Variants in RABEPK observed in about 807,000 individuals in gnomAD.
RABEPK encodes 40 kDa Rab9 effector protein.
A neutral mutation model predicts 34.1 loss-of-function variants in RABEPK; 27 were observed. The ratio of observed to expected loss-of-function variants is 0.79; its 90% CI spans 0.58 to 1.09. The LOEUF (loss-of-function observed/expected upper bound fraction) is 1.09. Ranked by LOEUF, RABEPK falls within the 50% of genes least tolerant of loss-of-function variation. The probability of loss-of-function intolerance (pLI) is 0.00; values close to 1 mark genes in which losing one functional copy is unlikely to be tolerated. For synonymous variants in RABEPK, 172 were observed against 169.2 expected (o/e 1.02, Z -0.13); for missense variants, 449 against 462.6 (o/e 0.97, Z 0.27).
At chr9:125,205,701 G>C (rs1220498667) in intron 2 of RABEPK, among the ~76,000 whole-genome samples, 3 of 152,070 alleles carry the variant, frequency 2.0e-5, no homozygotes, top group Non-Finnish European at 2.9e-5. Context: ...TGTTGCCCAG[G>C]ATGGTCTCAA....
Position 125,234,030 on chromosome 9 carries a change from A to G in RABEPK, c.*50A>G. 1 of 1,473,548 alleles carries G rather than the reference A, an allele frequency of 6.8e-7. No individual in the cohort carries two copies. Among genetic ancestry groups the G allele is most frequent in the Non-Finnish European group, 9.3e-7 (1 of 1,075,442 alleles). The allele number at this position is 1,473,548 out of a possible 1,614,324, so 91.3% of individuals were successfully genotyped here. A position where few individuals can be genotyped will look rare whatever the true frequency, so the allele number is the denominator to read the frequency against. On this transcript the variant is annotated 3_prime_UTR_variant, in exon 8 of 8. Transcript: ENST00000373538. Reference sequence around the variant, plus strand: ...TCAGTTACTTTCAGAATAGTTAAGTAAAACATTAGCTGTTTTATACCTCCA... The same window carrying G: ...TCAGTTACTTTCAGAATAGTTAAGTGAAACATTAGCTGTTTTATACCTCCA...
intron 5 of RABEPK, among the ~76,000 whole-genome samples, chr9:125,223,527 A>G (rs1343528445): frequency 6.6e-6 from 1 of 152,090 alleles, no homozygotes; most frequent in East Asian, 1.9e-4. Flanking sequence ...AAACCTGCTC[A>G]TGGACACTTA....
intron 5 of RABEPK, among the ~76,000 whole-genome samples, chr9:125,224,915 T>A (rs1189467579): frequency 1.3e-5 from 2 of 152,086 alleles, no homozygotes; most frequent in Non-Finnish European, 2.9e-5. Flanking sequence ...CCTGCTAACT[T>A]TTATTTAAGA....
At chr9:125,224,548 G>A (rs1219568759) in intron 5 of RABEPK, among the ~76,000 whole-genome samples, 9 of 151,354 alleles carry the variant, frequency 5.9e-5, no homozygotes, top group South Asian at 2.1e-4. Context: ...CACCTCCCGG[G>A]TTCAAGCAAT....
intron 6 of RABEPK, among the ~76,000 whole-genome samples, chr9:125,229,052 G>A (rs1269361690): frequency 3.3e-5 from 5 of 151,664 alleles, no homozygotes; most frequent in South Asian, 2.1e-4. Flanking sequence ...TCAGGAGTTC[G>A]AGACCAGCCT....
rs564126096 is a variant in RABEPK at position 125,216,966 on chromosome 9, C to CA, written c.364+3460dup. Among the ~76,000 whole-genome samples the CA allele has an allele frequency of 5.4e-3, 392 of 72,124 alleles. 1 individual carries two copies. Among genetic ancestry groups the CA allele is most frequent in the Middle Eastern group, 0.034 (4 of 116 alleles). 47.3% of individuals were successfully genotyped at this position (72,124 alleles called of 152,430 possible). ...TGGGTGACAGAGTGAGACACCGTCT[C>CA]AAAAAAAAAAAAAAAAGAAGAAAGT... On this transcript the variant is annotated intron_variant, in intron 4 of 7. Coordinates refer to ENST00000373538, the MANE Select transcript of RABEPK (RefSeq NM_005833.4).
Position 125,200,856 on chromosome 9 carries a change from CCTAA to C in RABEPK, c.-54_-51del, listed in dbSNP as rs1829863361. 1 of 471,080 alleles carries C rather than the reference CCTAA, an allele frequency of 2.1e-6. No homozygotes were observed. Among genetic ancestry groups the C allele is most frequent in the Admixed American group, 2.3e-5 (1 of 42,560 alleles). The allele number at this position is 471,080 out of a possible 1,614,324, so 29.2% of individuals were successfully genotyped here. ...GGAGGTCCCGCCCACGTGAAGCCAGCCTAACTGAGCTCTGGACTTTGGGGACAGC... is the reference window on the plus strand; with the variant it reads ...GGAGGTCCCGCCCACGTGAAGCCAGCCTGAGCTCTGGACTTTGGGGACAGC... On this transcript the variant is annotated 5_prime_UTR_variant, in exon 1 of 8. An upstream open reading frame in the 5' UTR loses its in-frame stop. Coordinates refer to ENST00000373538, the MANE Select transcript of RABEPK (RefSeq NM_005833.4).
At chr9:125,210,462 G>A (rs1356434507) in intron 3 of RABEPK, among the ~76,000 whole-genome samples, 1 of 139,232 alleles carries the variant, frequency 7.2e-6, no homozygotes, top group Non-Finnish European at 1.5e-5. Flanking sequence ...ACTCACGCCT[G>A]TAATCCCAGC....
chr9:125,221,685 T>C (rs905305897), intron 5 of RABEPK: 11 of 150,868 alleles, frequency 7.3e-5, no homozygotes, highest in African/African-American at 2.7e-4. Flanking sequence ...TTTTTCTTTT[T>C]TTTTTTTTGA....
chr9:125,202,480 C>T (rs1829972724), intron 1 of RABEPK, among the ~76,000 whole-genome samples: 1 of 151,180 alleles, frequency 6.6e-6, no homozygotes, highest in African/African-American at 2.4e-5. Context: ...GGAGATTGCA[C>T]CACTGCACTC....
intron 2 of RABEPK, among the ~76,000 whole-genome samples, chr9:125,205,136 T>G (rs1830142388): frequency 6.6e-6 from 1 of 152,120 alleles, no homozygotes; most frequent in South Asian, 2.1e-4. Flanking sequence ...CCAGCTAATT[T>G]CTACTCATAC....
At chr9:125,215,691 AT>A (rs1232808499) in intron 4 of RABEPK, among the ~76,000 whole-genome samples, 2 of 152,116 alleles carry the variant, frequency 1.3e-5, no homozygotes, top group Non-Finnish European at 2.9e-5. Flanking sequence ...ATTTATGAAC[AT>A]TTAGTTCTTT....
At chr9:125,210,582 T>C (rs1314411394) in intron 3 of RABEPK, among the ~76,000 whole-genome samples, 1 of 150,762 alleles carries the variant, frequency 6.6e-6, no homozygotes, top group East Asian at 2.0e-4. Flanking sequence ...TAGCTGGGCA[T>C]GATGGCTTGT....
At chr9:125,231,754 A>G (rs527879142) in intron 6 of RABEPK, among the ~76,000 whole-genome samples, 1 of 152,118 alleles carries the variant, frequency 6.6e-6, no homozygotes, top group Non-Finnish European at 1.5e-5. Flanking sequence ...ACTGCACTCC[A>G]GGCTGGGCAA....
chr9:125,220,242 T>A, intron 4 of RABEPK: 1 of 1,232,868 alleles, frequency 8.1e-7, no homozygotes, highest in Non-Finnish European at 1.0e-6. Flanking sequence ...CCTCAAGTGA[T>A]CCGCCCGCCT....
chr9:125,216,684 C>T (rs1358936233), intron 4 of RABEPK, among the ~76,000 whole-genome samples: 1 of 151,966 alleles, frequency 6.6e-6, no homozygotes, highest in Non-Finnish European at 1.5e-5. Context: ...TAGACACGGC[C>T]GGGCATGGTG....
intron 5 of RABEPK, 83 bp from the exon 6 acceptor site, chr9:125,227,827 A>C (rs1831869928): frequency 7.5e-7 from 1 of 1,333,356 alleles, no homozygotes; most frequent in African/African-American, 1.5e-5. Context: ...GCTTGCTAGG[A>C]GGTGCTACAG....
At chr9:125,208,559 G>A (rs1361541142) in intron 3 of RABEPK, among the ~76,000 whole-genome samples, 3 of 149,514 alleles carry the variant, frequency 2.0e-5, no homozygotes, top group African/African-American at 4.9e-5. Flanking sequence ...TTTTTTAGAC[G>A]GAGTCCCACT....
intron 4 of RABEPK, among the ~76,000 whole-genome samples, chr9:125,216,660 T>C (rs1830944734): frequency 6.6e-6 from 1 of 151,984 alleles, no homozygotes; most frequent in South Asian, 2.1e-4. Flanking sequence ...TACAGAACAC[T>C]GTCCGAAATA....
Sources: allele counts gnomAD v4.1 joint callset (sites outside exome capture counted in the v4.1 genomes callset), GRCh38; gene constraint gnomAD v4.1.1; transcripts MANE v1.5; gene names NCBI Gene and HGNC (gene_info 2026-07-23, HGNC 2026-07-21).